The following USP31 variants were observed in gnomAD, a reference collection of about 807,000 sequenced individuals.
The protein encoded by USP31 is ubiquitin specific peptidase 31, also known as ubiquitin carboxyl-terminal hydrolase 31.
In USP31, 44 loss-of-function variants were observed where a neutral mutation model predicts 119.4. That is an observed-to-expected ratio of 0.37 (90% CI 0.29 to 0.47). The LOEUF (loss-of-function observed/expected upper bound fraction) is 0.47. Ranked by LOEUF, USP31 falls within the 20% of genes least tolerant of loss-of-function variation. The pLI is 0.99. For synonymous variants in USP31, 749 were observed against 705.6 expected, an observed-to-expected ratio of 1.06 and a Z score of -0.97; for missense variants, 1,643 against 1,730.2, an observed-to-expected ratio of 0.95 and a Z score of 0.89.
In USP31 at chr16:23,068,631, G is replaced by C; in HGVS notation, c.3474C>G (p.Gly1158=). The C allele has an allele frequency of 6.2e-7, 1 of 1,614,226 alleles. No homozygotes were observed. The highest frequency in any genetic ancestry group is 8.5e-7 in the Non-Finnish European group (1 of 1,180,044). The change falls in exon 16 of 16, where the codon GGC becomes GGG. Residue 1158 remains glycine, a synonymous_variant. Transcript: ENST00000219689. ...RTSDHSLSRE[G]SRQSLGSDRA... ...TGTCAGAACCCAAGCTTTGTCTGGA[G>C]CCCTCTCTACTCAAGCTGTGGTCTG...
In USP31 at chr16:23,065,570, CATG is replaced by C. The variant is rs761580575; in HGVS notation, c.*2473_*2475del. 3 of 152,552 alleles carry C rather than the reference CATG, an allele frequency of 2.0e-5. No homozygotes were observed. The highest frequency in any genetic ancestry group is 4.8e-5 in the African/African-American group (2 of 41,420). The allele number at this position is 152,552 out of a possible 1,614,324, so 9.4% of individuals were successfully genotyped here. On this transcript the variant is annotated 3_prime_UTR_variant, in exon 16 of 16. Coordinates refer to ENST00000219689, the MANE Select transcript of USP31 (RefSeq NM_020718.4). Reference sequence around the variant, plus strand: ...TAGCTTCATGATGTCTAGACAATGCCATGATACTTCCTGATTTTTTCTATTAAA... The same window carrying C: ...TAGCTTCATGATGTCTAGACAATGCCATACTTCCTGATTTTTTCTATTAAA...
At chr16:23,110,419 C>T (rs982754951) in intron 1 of USP31, among the ~76,000 whole-genome samples, 1 of 152,066 alleles carries the variant, frequency 6.6e-6, no homozygotes, top group Non-Finnish European at 1.5e-5. Flanking sequence ...AACAAAGATA[C>T]AATATGACAC....
chr16:23,093,828 T>G (rs1313544135), intron 6 of USP31, among the ~76,000 whole-genome samples: 3 of 152,204 alleles, frequency 2.0e-5, no homozygotes, highest in African/African-American at 7.2e-5. Flanking sequence ...TACATGCATA[T>G]GTATGTATGG....
At chr16:23,116,430 T>G (rs951810130) in intron 1 of USP31, among the ~76,000 whole-genome samples, 1 of 152,240 alleles carries the variant, frequency 6.6e-6, no homozygotes, top group Non-Finnish European at 1.5e-5. Context: ...GAAGAATAAT[T>G]AGCTAAAACA....
chr16:23,112,397 G>A (rs1355560827), intron 1 of USP31, among the ~76,000 whole-genome samples: 1 of 151,980 alleles, frequency 6.6e-6, no homozygotes, highest in East Asian at 1.9e-4. Flanking sequence ...TGACCAACAT[G>A]GTGAAACTCC....
intron 6 of USP31, among the ~76,000 whole-genome samples, chr16:23,098,647 G>C (rs1310321613): frequency 6.6e-6 from 1 of 152,152 alleles, no homozygotes. Context: ...GAACAGAACA[G>C]AGGCCTCAGA....
intron 1 of USP31, among the ~76,000 whole-genome samples, chr16:23,144,476 C>CTT (rs112546615): frequency 2.2e-4 from 32 of 145,458 alleles, no homozygotes; most frequent in African/African-American, 7.0e-4. Flanking sequence ...GTTTACCTTT[C>CTT]TTTTTTTTTT....
At chr16:23,078,510 C>G (rs1375752329) in intron 13 of USP31, among the ~76,000 whole-genome samples, 2 of 152,036 alleles carry the variant, frequency 1.3e-5, no homozygotes, top group Non-Finnish European at 2.9e-5. Context: ...GCTCCTTTCC[C>G]CGACAGCTGA....
intron 6 of USP31, among the ~76,000 whole-genome samples, chr16:23,098,978 T>C (rs1216361638): frequency 2.0e-5 from 3 of 152,118 alleles, no homozygotes; most frequent in Non-Finnish European, 4.4e-5. Flanking sequence ...AAATGGGATC[T>C]AATTAAACTA....
At chr16:23,136,394 T>A (rs1010193233) in intron 1 of USP31, among the ~76,000 whole-genome samples, 1 of 152,324 alleles carries the variant, frequency 6.6e-6, no homozygotes, top group South Asian at 2.1e-4. Context: ...GGCTCACACC[T>A]GTAATCCCAG....
chr16:23,120,760 T>C (rs974931803), intron 1 of USP31, among the ~76,000 whole-genome samples: 34 of 152,164 alleles, frequency 2.2e-4, no homozygotes, highest in Non-Finnish European at 4.7e-4. Flanking sequence ...AGCCAATCAA[T>C]GTTCTTCGCT....
intron 13 of USP31, among the ~76,000 whole-genome samples, chr16:23,078,184 T>C (rs1056886524): frequency 3.3e-5 from 5 of 151,700 alleles, no homozygotes; most frequent in East Asian, 1.9e-4. Context: ...TGGTGGTGTG[T>C]GCCTGTAGTC....
intron 1 of USP31, among the ~76,000 whole-genome samples, chr16:23,120,373 C>A (rs1475580974): frequency 6.6e-6 from 1 of 152,126 alleles, no homozygotes; most frequent in African/African-American, 2.4e-5. Flanking sequence ...TTTAAATATA[C>A]ACAATTTTTA....
chr16:23,129,896 A>C (rs1288533039), intron 1 of USP31, among the ~76,000 whole-genome samples: 1 of 152,202 alleles, frequency 6.6e-6, no homozygotes, highest in Non-Finnish European at 1.5e-5. Context: ...CAGAAAAAGC[A>C]CTACAAGTGG....
Position 23,068,179 on chromosome 16 carries a change from C to T in USP31, c.3926G>A (p.Arg1309His), listed in dbSNP as rs149815890. The change falls in exon 16 of 16, where the codon CGC becomes CAC. Residue 1309 changes from arginine (R) to histidine (H), a missense_variant. Physicochemically the swap from Arg to His is conservative, Grantham distance 29. Around this residue, in one of 5 missense-constraint regions of USP31, gnomAD observed 699 missense variants for 650.9 expected, o/e 1.07. Coordinates refer to ENST00000219689, the MANE Select transcript of USP31 (RefSeq NM_020718.4). ...GTCTAGTTGGGAAGACTTGGATTTG[C>T]GAGCGGACAGCAGGGAATGTTTGGC... ...ASAKHSLLSA[R>H]KSKSSQLDSG... The T allele has an allele frequency of 2.9e-5, 46 of 1,614,034 alleles. No homozygotes were observed. Among genetic ancestry groups the T allele is most frequent in the African/African-American group, 4.0e-5 (3 of 74,912 alleles).
chr16:23,069,736 G>C (rs1900270396), intron 15 of USP31, 120 bp from the exon 16 acceptor site: 1 of 1,324,880 alleles, frequency 7.5e-7, no homozygotes, highest in South Asian at 1.7e-5. Flanking sequence ...ATGACCTTCA[G>C]AGCCAGCCCA....
At position 23,096,643 on chromosome 16, in the gene USP31, C is replaced by G. The variant is rs1002090773; in HGVS notation, c.1234+5676G>C. 1.5e-4 allele frequency among the ~76,000 whole-genome samples: 23 copies of G among 152,208 alleles called. 1 individual carries two copies. Among genetic ancestry groups the G allele is most frequent in the African/African-American group, 5.5e-4 (23 of 41,446 alleles). On this transcript the variant is annotated intron_variant, in intron 6 of 15. Transcript: ENST00000219689. ...AGAACAGAAACCACAACAAACTTGT[C>G]TCTCAGACCACAGTGCAATCAAATT...
chr16:23,087,889 CTG>C (rs1901179485), intron 7 of USP31, 54 bp from the exon 8 acceptor site: 1 of 1,455,792 alleles, frequency 6.9e-7, no homozygotes, highest in Non-Finnish European at 9.5e-7. Flanking sequence ...TCCTTTAACA[CTG>C]TTATCTTTTT....
chr16:23,136,668 A>C (rs976652714), intron 1 of USP31, among the ~76,000 whole-genome samples: 10 of 152,036 alleles, frequency 6.6e-5, no homozygotes, highest in Non-Finnish European at 1.3e-4. Flanking sequence ...AAAAAAAAAA[A>C]ACTTTTGTGC....
Sources: gnomAD v4.1 joint callset for allele counts (sites outside exome capture counted in the v4.1 genomes callset) on GRCh38, gnomAD v4.1.1 for gene constraint, gnomAD v4.1.1 regional missense constraint, MANE v1.5 for transcripts, NCBI Gene and HGNC (gene_info 2026-07-23, HGNC 2026-07-21) for gene names.